Variants in RMDN2 observed in about 807,000 individuals in gnomAD.
RMDN2 encodes the protein regulator of microtubule dynamics 2, also known as regulator of microtubule dynamics protein 2.
A neutral mutation model predicts 52.8 loss-of-function variants in RMDN2; 61 were observed. That is an observed-to-expected ratio of 1.16 (90% CI 0.94 to 1.43). The LOEUF (loss-of-function observed/expected upper bound fraction) is 1.43. Ranked by LOEUF, RMDN2 falls within the 40% of genes most tolerant of loss-of-function variation. RMDN2 has a pLI of 0.00. For synonymous variants in RMDN2, 180 were observed against 153.1 expected (o/e 1.18, Z -1.30); for missense variants, 592 against 475.3 (o/e 1.25, Z -2.28).
chr2:38,044,863 A>T (rs1358781353), intron 10 of RMDN2, among the ~76,000 whole-genome samples: 1 of 152,134 alleles, frequency 6.6e-6, no homozygotes, highest in Non-Finnish European at 1.5e-5. Flanking sequence ...TGCTAGTATA[A>T]TGTAGGAGTA....
chr2:38,035,220 C>A (rs1388713587), intron 10 of RMDN2, among the ~76,000 whole-genome samples: 4 of 151,994 alleles, frequency 2.6e-5, no homozygotes, highest in Non-Finnish European at 5.9e-5. Flanking sequence ...GCCTCATTTA[C>A]CCTGAGTAAA....
Position 37,952,377 on chromosome 2 carries a change from A to G in RMDN2, c.453-21663A>G, listed in dbSNP as rs576830168. ...TAAATTTAATTGCTGTAGTTTTGAA[A>G]GTTAGTTTACTGATGTTATTGGAGT... On this transcript the variant is annotated intron_variant, in intron 2 of 10. Coordinates refer to ENST00000354545, the MANE Select transcript of RMDN2 (RefSeq NM_001170791.3). The G allele has an allele frequency of 7.8e-5, 47 of 604,246 alleles. No homozygotes were observed. The East Asian group carries it at 1.2e-3, about 15-fold the overall frequency. The allele number at this position is 604,246 out of a possible 1,614,324, so 37.4% of individuals were successfully genotyped here.
chr2:38,017,114 G>C lies in RMDN2; in HGVS notation c.1180-72G>C, dbSNP rs1678908879. 5.3e-6 allele frequency: 5 copies of C among 947,204 alleles called. No homozygotes were observed. In the Admixed American group the frequency reaches 7.9e-5, roughly 15 times the overall value. 58.7% of individuals were successfully genotyped at this position (947,204 alleles called of 1,614,324 possible). Reference sequence around the variant, plus strand: ...GGGGAATCTCCTCAAGTCAGTGTAAGTCTGTTTCAGCATGCTAGAGTATCA... The same window carrying C: ...GGGGAATCTCCTCAAGTCAGTGTAACTCTGTTTCAGCATGCTAGAGTATCA... On this transcript the variant is annotated intron_variant, in intron 10 of 10. Coordinates refer to ENST00000354545, the MANE Select transcript of RMDN2 (RefSeq NM_001170791.3).
intron 10 of RMDN2, among the ~76,000 whole-genome samples, chr2:38,054,338 G>A (rs1397688127): frequency 6.6e-6 from 1 of 152,188 alleles, no homozygotes; most frequent in Non-Finnish European, 1.5e-5. Context: ...CATGCTAAAA[G>A]TATTTTACTG....
chr2:38,003,444 T>C (rs929233407), intron 8 of RMDN2, among the ~76,000 whole-genome samples: 3 of 152,076 alleles, frequency 2.0e-5, no homozygotes, highest in Admixed American at 6.6e-5. Flanking sequence ...TCCCAGCTAC[T>C]CTGGAGGCCA....
chr2:37,946,913 T>A (rs764069997), intron 2 of RMDN2, among the ~76,000 whole-genome samples: 1 of 152,192 alleles, frequency 6.6e-6, no homozygotes, highest in Non-Finnish European at 1.5e-5. Flanking sequence ...TATATACTTA[T>A]AGTTTTCATT....
At chr2:37,982,141 C>T (rs1357059066) in intron 5 of RMDN2, among the ~76,000 whole-genome samples, 4 of 152,146 alleles carry the variant, frequency 2.6e-5, no homozygotes, top group Admixed American at 6.5e-5. Flanking sequence ...GATGTAGGGG[C>T]ACTCTTAGGC....
At chr2:37,992,584 C>T (rs1167989334) in intron 7 of RMDN2, among the ~76,000 whole-genome samples, 1 of 152,080 alleles carries the variant, frequency 6.6e-6, no homozygotes, top group Non-Finnish European at 1.5e-5. Context: ...GGAAAGAATG[C>T]ACATTTTACA....
At position 37,943,812 on chromosome 2, in the gene RMDN2, A is replaced by G. The variant is rs557285068; in HGVS notation, c.452+14083A>G. Reference sequence around the variant, plus strand: ...AGTGTAGTCTTTTCCCCCTTAGGCTATGTGTTAATTGAGGCTTTTTTTTCA... The same window carrying G: ...AGTGTAGTCTTTTCCCCCTTAGGCTGTGTGTTAATTGAGGCTTTTTTTTCA... On this transcript the variant is annotated intron_variant, in intron 2 of 10. Transcript: ENST00000354545. Among the ~76,000 whole-genome samples the G allele has an allele frequency of 4.6e-5, 7 of 152,140 alleles. No individual in the cohort carries two copies. The South Asian group carries it at 6.2e-4, about 14-fold the overall frequency.
intron 5 of RMDN2, among the ~76,000 whole-genome samples, chr2:37,989,066 C>G (rs1221507720): frequency 6.6e-6 from 1 of 152,016 alleles, no homozygotes; most frequent in African/African-American, 2.4e-5. Flanking sequence ...ATTAAAGGAG[C>G]TCATGAAATT....
chr2:37,970,367 C>T (rs1452320729), intron 2 of RMDN2, among the ~76,000 whole-genome samples: 2 of 152,094 alleles, frequency 1.3e-5, no homozygotes, highest in East Asian at 1.9e-4. Context: ...TCAAACTGTG[C>T]TTGTAATTTC....
At chr2:38,059,206 T>A (rs1050746771) in intron 10 of RMDN2, among the ~76,000 whole-genome samples, 11 of 152,350 alleles carry the variant, frequency 7.2e-5, no homozygotes, top group South Asian at 6.2e-4. Flanking sequence ...ATTGATTTTT[T>A]AATTTTTTTA....
chr2:37,940,042 G>C (rs1296780705), intron 2 of RMDN2, among the ~76,000 whole-genome samples: 1 of 152,044 alleles, frequency 6.6e-6, no homozygotes, highest in East Asian at 1.9e-4. Context: ...TCCGTATTTA[G>C]TGCTTCCTTC....
intron 1 of RMDN2, among the ~76,000 whole-genome samples, chr2:37,926,319 G>C (rs6723824): frequency 0.16 from 24,950 of 152,050 alleles, 2,519 homozygotes; most frequent in Non-Finnish European, 0.23. Context: ...CTAGAACATG[G>C]AAATGAAATG....
At chr2:38,042,443 C>CACACCA (rs1558582724) in intron 10 of RMDN2, among the ~76,000 whole-genome samples, 27 of 103,314 alleles carry the variant, frequency 2.6e-4, no homozygotes, top group South Asian at 8.8e-4. Context: ...CACACACACA[C>CACACCA]CACACACACA....
rs187036873 is a variant in RMDN2, at chr2:38,044,878, C to G, written c.1714-22104C>G. Reference sequence around the variant, plus strand: ...TGCTAGTATAATGTAGGAGTAATGCCCAAGTAAAACCCTAATCCTAGTATA... The same window carrying G: ...TGCTAGTATAATGTAGGAGTAATGCGCAAGTAAAACCCTAATCCTAGTATA... On this transcript the variant is annotated intron_variant, in intron 10 of 10. Coordinates refer to the RMDN2 transcript ENST00000234195. Among the ~76,000 whole-genome samples the G allele has an allele frequency of 4.6e-5, 7 of 152,064 alleles. No homozygotes were observed. The East Asian group carries it at 1.3e-3, about 29-fold the overall frequency.
chr2:37,966,914 A>G (rs761335509), intron 2 of RMDN2, among the ~76,000 whole-genome samples: 2 of 152,220 alleles, frequency 1.3e-5, no homozygotes, highest in Non-Finnish European at 1.5e-5. Flanking sequence ...AAAAGCCCCT[A>G]TCAGAGCAAC....
chr2:37,935,734 A>G (rs1558439993), intron 2 of RMDN2, among the ~76,000 whole-genome samples: 1 of 152,156 alleles, frequency 6.6e-6, no homozygotes, highest in African/African-American at 2.4e-5. Flanking sequence ...TGGCACACAC[A>G]TTTTGTAACA....
chr2:37,950,556 A>T, intron 2 of RMDN2: 2 of 1,613,154 alleles, frequency 1.2e-6, no homozygotes, highest in Admixed American at 1.7e-5. Flanking sequence ...GAAGGGAGAG[A>T]CTTACTTTGG....
Sources: allele counts gnomAD v4.1 joint callset (sites outside exome capture counted in the v4.1 genomes callset), GRCh38; gene constraint gnomAD v4.1.1; transcripts MANE v1.5; gene names NCBI Gene and HGNC (gene_info 2026-07-23, HGNC 2026-07-21).